The following FBXO2 variants were observed in gnomAD, a reference collection of about 807,000 sequenced individuals.
The protein encoded by FBXO2 is F-box only protein 2.
Under a neutral mutation model 38.6 loss-of-function variants are expected in FBXO2, and 32 were observed. The ratio of observed to expected loss-of-function variants is 0.83; its 90% CI spans 0.62 to 1.11. The LOEUF is 1.11. Among genes scored for constraint, FBXO2 ranks in the 50% most tolerant of loss-of-function variants. The probability of loss-of-function intolerance (pLI) is 0.00; values close to 1 mark genes in which losing one functional copy is unlikely to be tolerated. For synonymous variants in FBXO2, 189 were observed against 182.9 expected (o/e 1.03, Z -0.27); for missense variants, 450 against 418.3 (o/e 1.08, Z -0.66).
chr1:11,654,023 AG>A (rs1639601890), intron 1 of FBXO2: 1 of 405,484 alleles, frequency 2.5e-6, no homozygotes, highest in Admixed American at 4.7e-5. Flanking sequence ...GGCCCCCGCC[AG>A]ACAGACCCTC....
chr1:11,651,408 G>T (rs1639518546), intron 1 of FBXO2, among the ~76,000 whole-genome samples: 1 of 152,336 alleles, frequency 6.6e-6, no homozygotes, highest in South Asian at 2.1e-4. Context: ...CTGGTCTGTT[G>T]TCAGGAACTC....
At chr1:11,651,955 T>C (rs950227349) in intron 1 of FBXO2, among the ~76,000 whole-genome samples, 57 of 152,280 alleles carry the variant, frequency 3.7e-4, no homozygotes, top group African/African-American at 1.3e-3. Context: ...CGCCTCAGCC[T>C]CCCAAAGTGC....
chr1:11,648,693 C>T lies in FBXO2; in HGVS notation c.*1G>A. ...CTGGGGGAGAGTGGAGGCAGGGTCG[C>T]TCAGGGTTCTACCCACACGCTGCTG... On this transcript the variant is annotated 3_prime_UTR_variant, in exon 6 of 6. Coordinates refer to ENST00000354287, the MANE Select transcript of FBXO2 (RefSeq NM_012168.6). The surrounding 1 kb of genome is among the most constrained non-coding windows in gnomAD (Gnocchi z 4.2). 6.2e-7 allele frequency: 1 copy of T among 1,613,252 alleles called. No homozygotes were observed. Among genetic ancestry groups the T allele is most frequent in the Non-Finnish European group, 8.5e-7 (1 of 1,179,922 alleles).
Position 11,650,770 on chromosome 1 carries a change from C to T in FBXO2, c.87G>A (p.Glu29=). The T allele has an allele frequency of 2.0e-6, 3 of 1,534,022 alleles. No individual in the cohort carries two copies. Among genetic ancestry groups the T allele is most frequent in the Non-Finnish European group, 2.6e-6 (3 of 1,145,880 alleles). ...EEQPEEASAE[E]ERPEDQQEEE... ...CCTCCTGCTGGTCCTCCGGCCGCTC[C>T]TCCTCAGCACTCGCCTCCTCTGGCT... The change falls in exon 2 of 6, where the codon GAG becomes GAA. Residue 29 remains glutamate (E), a synonymous_variant. Transcript: ENST00000354287.
chr1:11,654,159 G>C, intron 1 of FBXO2, 160 bp downstream of exon 1: 1 of 712,450 alleles, frequency 1.4e-6, no homozygotes, highest in Non-Finnish European at 2.1e-6. Flanking sequence ...ATAGCAGAGA[G>C]ACGTGCTCTT....
intron 2 of FBXO2, 23 bp downstream of exon 2, chr1:11,650,443 C>T: frequency 6.2e-7 from 1 of 1,600,824 alleles, no homozygotes; most frequent in African/African-American, 1.3e-5. Flanking sequence ...GGAAGCTGAG[C>T]TCGCCCAGCG....
intron 4 of FBXO2, chr1:11,649,433 A>G: frequency 3.3e-6 from 2 of 604,904 alleles, no homozygotes; most frequent in Non-Finnish European, 5.8e-6. Flanking sequence ...CGAGCGAAAC[A>G]CGAGGACTAC....
intron 5 of FBXO2, 29 bp downstream of exon 5, chr1:11,649,058 C>A: frequency 6.4e-7 from 1 of 1,571,248 alleles, no homozygotes; most frequent in Non-Finnish European, 8.6e-7. Context: ...CCGTGCCCCA[C>A]CCCTCCGCCC....
chr1:11,650,210 G>C, intron 2 of FBXO2, 136 bp from the exon 3 acceptor site: 1 of 1,399,496 alleles, frequency 7.1e-7, no homozygotes, highest in Non-Finnish European at 9.7e-7. Flanking sequence ...GGGTGGACCA[G>C]TGGGCAGTTT....
intron 1 of FBXO2, among the ~76,000 whole-genome samples, chr1:11,653,729 G>A (rs1639588659): frequency 6.6e-6 from 1 of 152,162 alleles, no homozygotes; most frequent in African/African-American, 2.4e-5. Flanking sequence ...GGGGTGAGGG[G>A]TCTTGGGTGC....
chr1:11,652,532 G>A (rs765998088), intron 1 of FBXO2, among the ~76,000 whole-genome samples: 19 of 152,206 alleles, frequency 1.2e-4, no homozygotes, highest in Non-Finnish European at 2.4e-4. Context: ...CGCGGCAGCC[G>A]GACTGTCTCT....
chr1:11,650,782 CGCCTCCTCTGGCTGCTCCTCCGGGCTT>C lies in FBXO2; in HGVS notation c.48_74del (p.Pro18_Ser26del). ...CCTCCGGCCGCTCCTCCTCAGCACT[CGCCTCCTCTGGCTGCTCCTCCGGGCTT>C]GCCTCCTCGGGCTGGCCCACGCTCT... is the stretch of plus-strand genomic sequence containing the variant. On this transcript the variant is annotated inframe_deletion, in exon 2 of 6. Coordinates refer to ENST00000354287, the MANE Select transcript of FBXO2 (RefSeq NM_012168.6). The C allele has an allele frequency of 6.5e-7, 1 of 1,536,388 alleles. No individual in the cohort carries two copies. The highest frequency in any genetic ancestry group is 8.7e-7 in the Non-Finnish European group (1 of 1,146,848).
chr1:11,649,090 C>T lies in FBXO2; in HGVS notation c.753G>A (p.Met251Ile), dbSNP rs1380483045. The T allele has an allele frequency of 6.3e-7, 1 of 1,593,858 alleles. No individual in the cohort carries two copies. Among genetic ancestry groups the T allele is most frequent in the Non-Finnish European group, 8.5e-7 (1 of 1,171,204 alleles). Reference sequence around the variant, plus strand: ...GCCCTGGGTCCCCCAGGCTCACCTCCATCCAGCCCCCGCCGTCACTGTCTT... The same window carrying T: ...GCCCTGGGTCCCCCAGGCTCACCTCTATCCAGCCCCCGCCGTCACTGTCTT... ...VPQDSDGGGW[M>I]EISHTFTDYG... Residue 251 changes from methionine (M) to isoleucine (I), a missense_variant, in exon 5 of 6, where the codon ATG becomes ATA. Physicochemically the swap from Met to Ile is conservative, Grantham distance 10 (BLOSUM62 1). Coordinates refer to ENST00000354287, the MANE Select transcript of FBXO2 (RefSeq NM_012168.6).
At chr1:11,649,502 G>T (rs999326841) in intron 4 of FBXO2, 3 of 588,508 alleles carry the variant, frequency 5.1e-6, no homozygotes, top group Non-Finnish European at 9.1e-6. Context: ...GTGGCCTTTG[G>T]TTTGGACCGC....
Position 11,650,565 on chromosome 1 carries a change from C to A in FBXO2, c.292G>T (p.Val98Leu), listed in dbSNP as rs368443407. 30 of 1,595,590 alleles carry A rather than the reference C, an allele frequency of 1.9e-5. No homozygotes were observed. The African/African-American group carries it at 3.3e-4, about 18-fold the overall frequency. Reference sequence around the variant, plus strand: ...TCCTCCTCCACGCCGCCCTCGGGCACCAGCCCCTCCTGCTGGCACTTGAGC... The same window carrying A: ...TCCTCCTCCACGCCGCCCTCGGGCAACAGCCCCTCCTGCTGGCACTTGAGC... ...WLLKCQQEGL[V>L]PEGGVEEERD... Residue 98 changes from valine to leucine, a missense_variant, in exon 2 of 6, where the codon GTG (valine) becomes TTG (leucine). Transcript: ENST00000354287.
Position 11,650,606 on chromosome 1 carries a change from C to G in FBXO2, c.251G>C (p.Gly84Ala). ...VCLRWKELVDGAPLWLLKCQQ... is the reference protein window; with the variant it reads ...VCLRWKELVDAAPLWLLKCQQ... ...GCACTTGAGCAGCCACAGCGGGGCG[C>G]CGTCCACCAGCTCCTTCCAGCGCAG... Residue 84 changes from glycine (G) to alanine (A), a missense_variant, in exon 2 of 6, where the codon GGC becomes GCC. Transcript: ENST00000354287. The G allele has an allele frequency of 6.3e-7, 1 of 1,590,226 alleles. No homozygotes were observed. Among genetic ancestry groups the G allele is most frequent in the South Asian group, 1.1e-5 (1 of 88,378 alleles).
intron 1 of FBXO2, chr1:11,654,106 C>T (rs1639604410): frequency 2.1e-6 from 1 of 470,308 alleles, no homozygotes; most frequent in Admixed American, 4.4e-5. Flanking sequence ...CAGGAGTTCT[C>T]TCTCCTTGCC....
intron 1 of FBXO2, chr1:11,653,944 G>T: frequency 4.6e-6 from 1 of 215,548 alleles, no homozygotes; most frequent in Non-Finnish European, 9.2e-6. Flanking sequence ...GATTCAGACG[G>T]CCCAAGGCCC....
intron 1 of FBXO2, chr1:11,653,995 C>G (rs1307190522): frequency 3.0e-6 from 1 of 335,980 alleles, no homozygotes; most frequent in Non-Finnish European, 5.4e-6. Flanking sequence ...TCGCAGCCTC[C>G]CTCCCAGACG....
Sources: allele counts gnomAD v4.1 joint callset (sites outside exome capture counted in the v4.1 genomes callset), GRCh38; gene constraint gnomAD v4.1.1; non-coding constraint Gnocchi (gnomAD v3.1); transcripts MANE v1.5; gene names NCBI Gene and HGNC (gene_info 2026-07-23, HGNC 2026-07-21).